The following GABRB2 variants were observed in gnomAD, a reference collection of about 807,000 sequenced individuals.
GABRB2 encodes the protein gamma-aminobutyric acid receptor subunit beta-2.
In GABRB2, 16 loss-of-function variants were observed where a neutral mutation model predicts 54.7. The observed-to-expected ratio is 0.29, with a 90% CI of 0.20 to 0.44. The LOEUF (loss-of-function observed/expected upper bound fraction) is 0.44. Among genes scored for constraint, GABRB2 ranks in the 20% least tolerant of loss-of-function variants. GABRB2 has a pLI of 1.00. For missense variants in GABRB2, 355 were observed against 644.0 expected (o/e 0.55, Z 4.86); for synonymous variants, 244 against 233.8 (o/e 1.04, Z -0.40).
intron 5 of GABRB2, among the ~76,000 whole-genome samples, chr5:161,383,444 C>A (rs1016692476): frequency 1.3e-5 from 2 of 151,868 alleles, no homozygotes; most frequent in African/African-American, 4.8e-5. Flanking sequence ...TTACATAAGT[C>A]ATGTTCTCAT....
At chr5:161,394,510 G>T (rs1417493785) in intron 5 of GABRB2, among the ~76,000 whole-genome samples, 1 of 151,992 alleles carries the variant, frequency 6.6e-6, no homozygotes, top group Admixed American at 6.6e-5. Flanking sequence ...AAAGAAAAGG[G>T]ATTATTGCCA....
chr5:161,412,526 T>C (rs1756547292), intron 4 of GABRB2, among the ~76,000 whole-genome samples: 1 of 152,156 alleles, frequency 6.6e-6, no homozygotes, highest in African/African-American at 2.4e-5. Flanking sequence ...CACACAACCG[T>C]CAGATCTTTT....
In GABRB2 at chr5:161,470,886, G is replaced by A. The variant is rs191837220; in HGVS notation, c.238-11042C>T. Reference sequence around the variant, plus strand: ...CATTTCTTGGTTAAGTGATCCAGGCGTCTTATCTTTAACACAGGTGACCCT... The same window carrying A: ...CATTTCTTGGTTAAGTGATCCAGGCATCTTATCTTTAACACAGGTGACCCT... On this transcript the variant is annotated intron_variant, in intron 3 of 9. Transcript: ENST00000393959. Among the ~76,000 whole-genome samples, 22 of 152,024 alleles carry A rather than the reference G, an allele frequency of 1.4e-4. No individual in the cohort carries two copies. In the East Asian group the frequency reaches 3.1e-3, roughly 21 times the overall value.
At chr5:161,370,949 T>C (rs1301184378) in intron 5 of GABRB2, among the ~76,000 whole-genome samples, 1 of 152,218 alleles carries the variant, frequency 6.6e-6, no homozygotes, top group Non-Finnish European at 1.5e-5. Context: ...AGAAATAATG[T>C]TCCTAACCTG....
intron 3 of GABRB2, among the ~76,000 whole-genome samples, chr5:161,476,684 A>T (rs1387966540): frequency 1.3e-5 from 2 of 151,932 alleles, no homozygotes; most frequent in African/African-American, 2.4e-5. Flanking sequence ...AGACTACCCA[A>T]TAAAGATGAG....
At chr5:161,355,012 A>T (rs1001258248) in intron 5 of GABRB2, among the ~76,000 whole-genome samples, 2 of 151,868 alleles carry the variant, frequency 1.3e-5, no homozygotes, top group Non-Finnish European at 1.5e-5. Flanking sequence ...CTTCATGAAG[A>T]TCTCTACATG....
intron 5 of GABRB2, among the ~76,000 whole-genome samples, chr5:161,400,253 A>T (rs1224946621): frequency 1.3e-5 from 2 of 152,196 alleles, no homozygotes; most frequent in Admixed American, 1.3e-4. Context: ...ATCAGGTTTC[A>T]CAAAGTGCTC....
At chr5:161,303,462 A>G (rs1386731169) in intron 9 of GABRB2, among the ~76,000 whole-genome samples, 2 of 152,186 alleles carry the variant, frequency 1.3e-5, no homozygotes, top group African/African-American at 2.4e-5. Context: ...GACCTATGTC[A>G]TCTTCTACTT....
At chr5:161,398,152 T>G (rs1756063228) in intron 5 of GABRB2, among the ~76,000 whole-genome samples, 1 of 152,200 alleles carries the variant, frequency 6.6e-6, no homozygotes, top group Admixed American at 6.5e-5. Flanking sequence ...ATCAAATGAT[T>G]TGTGGCCAGG....
chr5:161,406,920 T>A (rs1436101954), intron 5 of GABRB2, among the ~76,000 whole-genome samples: 3 of 152,074 alleles, frequency 2.0e-5, no homozygotes, highest in African/African-American at 7.2e-5. Context: ...GATCCCACTA[T>A]GGCTGAGATT....
At chr5:161,309,136 T>C (rs1757785659) in intron 9 of GABRB2, among the ~76,000 whole-genome samples, 1 of 152,094 alleles carries the variant, frequency 6.6e-6, no homozygotes, top group South Asian at 2.1e-4. Flanking sequence ...CCAGCATCTA[T>C]AAGAAACTTA....
chr5:161,428,411 G>A (rs1233969917), intron 4 of GABRB2, among the ~76,000 whole-genome samples: 1 of 151,624 alleles, frequency 6.6e-6, no homozygotes, highest in Non-Finnish European at 1.5e-5. Context: ...TTTCCAGACT[G>A]GTTCATCCTG....
chr5:161,312,127 G>A (rs1425192241), intron 9 of GABRB2, among the ~76,000 whole-genome samples: 6 of 152,080 alleles, frequency 3.9e-5, no homozygotes, highest in African/African-American at 1.4e-4. Context: ...AGGGAACTAT[G>A]AATTCACCTC....
chr5:161,540,979 G>A (rs1053159051), intron 3 of GABRB2, among the ~76,000 whole-genome samples: 29 of 152,144 alleles, frequency 1.9e-4, no homozygotes, highest in African/African-American at 6.5e-4. Context: ...CTGAGTAGCT[G>A]GGACTACAGG....
chr5:161,538,835 A>T (rs928631519), intron 3 of GABRB2, among the ~76,000 whole-genome samples: 24 of 152,160 alleles, frequency 1.6e-4, no homozygotes, highest in Admixed American at 1.6e-3. Context: ...AGAAAAAAAA[A>T]AAAGTAAACA....
At chr5:161,322,297 G>A (rs1758234299) in intron 9 of GABRB2, among the ~76,000 whole-genome samples, 1 of 152,148 alleles carries the variant, frequency 6.6e-6, no homozygotes, top group Admixed American at 6.5e-5. Flanking sequence ...GAGCAATGGT[G>A]CAATCTTGGC....
At chr5:161,435,197 T>C (rs544559351) in intron 4 of GABRB2, among the ~76,000 whole-genome samples, 1 of 152,054 alleles carries the variant, frequency 6.6e-6, no homozygotes, top group African/African-American at 2.4e-5. Context: ...AAATGGAAAA[T>C]CAACAAGAAG....
intron 3 of GABRB2, among the ~76,000 whole-genome samples, chr5:161,462,701 G>A (rs976816351): frequency 6.6e-6 from 1 of 152,146 alleles, no homozygotes; most frequent in African/African-American, 2.4e-5. Flanking sequence ...CAGCAAGGCA[G>A]TGCCTGCTAA....
chr5:161,426,348 A>C (rs556402729), intron 4 of GABRB2, among the ~76,000 whole-genome samples: 1 of 152,256 alleles, frequency 6.6e-6, no homozygotes, highest in Non-Finnish European at 1.5e-5. Flanking sequence ...TTCCTTCAGA[A>C]GCTTTTAATT....
Sources: gnomAD v4.1 joint callset for allele counts (sites outside exome capture counted in the v4.1 genomes callset) on GRCh38, gnomAD v4.1.1 for gene constraint, MANE v1.5 for transcripts, NCBI Gene and HGNC (gene_info 2026-07-23, HGNC 2026-07-21) for gene names.